NRG1: variants seen among roughly 807,000 people sequenced by gnomAD.
NRG1 encodes the protein pro-neuregulin-1, membrane-bound isoform.
A neutral mutation model predicts 63.8 loss-of-function variants in NRG1; 18 were observed. The observed-to-expected ratio is 0.28, with a 90% confidence interval of 0.19 to 0.42. NRG1 has a LOEUF of 0.42. Ranked by LOEUF, NRG1 falls within the 10% of genes least tolerant of loss-of-function variation. NRG1 has a pLI of 1.00. For missense variants in NRG1, 762 were observed against 814.7 expected (o/e 0.94, Z 0.79); for synonymous variants, 302 against 301.3 (o/e 1.00, Z -0.02).
chr8:32,242,492 G>A (rs1026356233), intron 1 of NRG1, among the ~76,000 whole-genome samples: 1 of 152,072 alleles, frequency 6.6e-6, no homozygotes, highest in African/African-American at 2.4e-5. Flanking sequence ...AAAAGAAAAA[G>A]AAAAATAAGA....
intron 1 of NRG1, among the ~76,000 whole-genome samples, chr8:32,411,531 G>T (rs1410792066): frequency 6.6e-6 from 1 of 152,114 alleles, no homozygotes; most frequent in Non-Finnish European, 1.5e-5. Flanking sequence ...TAAAGGAAAG[G>T]AATATTCTTT....
At chr8:32,345,377 C>A (rs1804754205) in intron 1 of NRG1, among the ~76,000 whole-genome samples, 1 of 152,254 alleles carries the variant, frequency 6.6e-6, no homozygotes, top group African/African-American at 2.4e-5. Context: ...ATACTGAGGG[C>A]TTCATCTGTG....
At chr8:31,989,916 G>C (rs968724555) in intron 1 of NRG1, among the ~76,000 whole-genome samples, 1 of 152,044 alleles carries the variant, frequency 6.6e-6, no homozygotes, top group African/African-American at 2.4e-5. Context: ...CGTCTCAAAG[G>C]CATTATGTCT....
rs187487559 is a variant in NRG1, at chr8:31,968,311, C to A, written c.37+328880C>A. On this transcript the variant is annotated intron_variant, in intron 1 of 10. Transcript: ENST00000519301. Reference sequence around the variant, plus strand: ...AGAAGGATTTAGCAACCCAGAATGTCCTAACTGGCTTGGCTCATGTCTGCT... The same window carrying A: ...AGAAGGATTTAGCAACCCAGAATGTACTAACTGGCTTGGCTCATGTCTGCT... Among the ~76,000 whole-genome samples the A allele has an allele frequency of 3.3e-3, 504 of 152,226 alleles. 2 individuals are homozygous for A. Among genetic ancestry groups the A allele is most frequent in the Middle Eastern group, 6.8e-3 (2 of 294 alleles).
At chr8:32,549,699 G>C (rs186444191) in intron 1 of NRG1, among the ~76,000 whole-genome samples, 1 of 152,126 alleles carries the variant, frequency 6.6e-6, no homozygotes, top group Admixed American at 6.5e-5. Flanking sequence ...ATCAGAACAC[G>C]AGCATGAACA....
chr8:32,234,250 T>G (rs1268784313), intron 1 of NRG1, among the ~76,000 whole-genome samples: 2 of 152,190 alleles, frequency 1.3e-5, no homozygotes, highest in African/African-American at 4.8e-5. Flanking sequence ...CAGGCCTTAA[T>G]TTTAACGAAA....
At chr8:32,403,715 T>C (rs1002914602) in intron 1 of NRG1, among the ~76,000 whole-genome samples, 3 of 152,176 alleles carry the variant, frequency 2.0e-5, no homozygotes, top group East Asian at 1.9e-4. Context: ...AAGTGGCAAT[T>C]ATTTTAATCA....
At chr8:32,040,629 GTATGTATGTATATA>G (rs944323065) in intron 1 of NRG1, among the ~76,000 whole-genome samples, 2 of 146,964 alleles carry the variant, frequency 1.4e-5, no homozygotes, top group East Asian at 2.0e-4. Flanking sequence ...ATATATACAC[GTATGTATGTATATA>G]TATGTATGTA....
intron 1 of NRG1, among the ~76,000 whole-genome samples, chr8:32,229,399 T>C (rs956554346): frequency 6.6e-6 from 1 of 152,188 alleles, no homozygotes; most frequent in East Asian, 1.9e-4. Context: ...TTGGGCAAGA[T>C]GAACGAGTGA....
At chr8:32,060,505 A>C (rs1025220538) in intron 1 of NRG1, among the ~76,000 whole-genome samples, 4 of 152,020 alleles carry the variant, frequency 2.6e-5, no homozygotes, top group Admixed American at 2.6e-4. Flanking sequence ...TTTTTTAGAG[A>C]AGAACAAACA....
intron 1 of NRG1, among the ~76,000 whole-genome samples, chr8:32,494,407 C>T (rs1012814609): frequency 5.9e-5 from 9 of 152,068 alleles, no homozygotes; most frequent in Admixed American, 3.3e-4. Flanking sequence ...TGTGATTATA[C>T]TACTTTTTAA....
chr8:32,267,405 CT>C (rs902996743), intron 1 of NRG1, among the ~76,000 whole-genome samples: 5 of 152,158 alleles, frequency 3.3e-5, no homozygotes, highest in Non-Finnish European at 5.9e-5. Flanking sequence ...ACTTTTCCCC[CT>C]GGCTTAGATG....
chr8:32,762,653 T>C (rs1479238259), intron 11 of NRG1, among the ~76,000 whole-genome samples: 1 of 152,186 alleles, frequency 6.6e-6, no homozygotes, highest in African/African-American at 2.4e-5. Flanking sequence ...AGAGTTCAGA[T>C]GATGGCATTC....
At chr8:32,498,054 C>T (rs1827421468) in intron 1 of NRG1, among the ~76,000 whole-genome samples, 1 of 152,098 alleles carries the variant, frequency 6.6e-6, no homozygotes, top group South Asian at 2.1e-4. Context: ...AACTCCTGAC[C>T]TCAGGTCATC....
intron 3 of NRG1, among the ~76,000 whole-genome samples, chr8:32,612,036 G>A (rs1846454847): frequency 6.6e-6 from 1 of 151,988 alleles, no homozygotes; most frequent in South Asian, 2.1e-4. Flanking sequence ...TGTTCATTAT[G>A]TTTACTTGCC....
At chr8:31,669,547 T>A (rs1304463603) in intron 1 of NRG1, among the ~76,000 whole-genome samples, 1 of 152,136 alleles carries the variant, frequency 6.6e-6, no homozygotes, top group South Asian at 2.1e-4. Flanking sequence ...CCTTATACAA[T>A]ATTTTTAATA....
chr8:32,170,370 A>T (rs1839900607), intron 1 of NRG1, among the ~76,000 whole-genome samples: 1 of 152,178 alleles, frequency 6.6e-6, no homozygotes, highest in Admixed American at 6.5e-5. Flanking sequence ...CATTTTCTGA[A>T]AGCCTGTCAG....
intron 1 of NRG1, among the ~76,000 whole-genome samples, chr8:31,797,949 A>C (rs1821391584): frequency 6.6e-6 from 1 of 152,216 alleles, no homozygotes; most frequent in Non-Finnish European, 1.5e-5. Flanking sequence ...TAAATACTGC[A>C]TGTCCTTACT....
intron 1 of NRG1, among the ~76,000 whole-genome samples, chr8:32,210,567 T>C (rs1844596182): frequency 6.6e-6 from 1 of 152,176 alleles, no homozygotes; most frequent in Admixed American, 6.5e-5. Context: ...TCTAAGATTG[T>C]CTACAGCCAC....
Sources: allele counts gnomAD v4.1 joint callset (sites outside exome capture counted in the v4.1 genomes callset), GRCh38; gene constraint gnomAD v4.1.1; transcripts MANE v1.5; gene names NCBI Gene and HGNC (gene_info 2026-07-23, HGNC 2026-07-21).